Variants in RNLS observed in about 807,000 individuals in gnomAD.
RNLS encodes the protein renalase, FAD dependent amine oxidase, also known as renalase.
In RNLS, 39 loss-of-function variants were observed where a neutral mutation model predicts 39.8. The observed-to-expected ratio is 0.98, with a 90% CI of 0.76 to 1.28. The LOEUF is 1.28. Among genes scored for constraint, RNLS ranks in the 50% most tolerant of loss-of-function variants. The pLI is 0.00. For missense variants in RNLS, 410 were observed against 413.3 expected (o/e 0.99, Z 0.07); for synonymous variants, 147 against 150.7 (o/e 0.98, Z 0.18).
Position 88,284,284 on chromosome 10 carries a change from T to C in RNLS, c.*1070A>G. On this transcript the variant is annotated 3_prime_UTR_variant, in exon 7 of 7. Transcript: ENST00000331772. ...CACTATTACAGTAAGAAGTCTTTTG[T>C]TGAACTTTTGTTAGTTTGAGAGGCT... 1 of 985,380 alleles carries C rather than the reference T, an allele frequency of 1.0e-6. No individual in the cohort carries two copies. 61.0% of individuals were successfully genotyped at this position (985,380 alleles called of 1,614,324 possible).
chr10:88,506,934 T>C (rs1845829481), intron 4 of RNLS, among the ~76,000 whole-genome samples: 1 of 152,156 alleles, frequency 6.6e-6, no homozygotes, highest in Non-Finnish European at 1.5e-5. Context: ...AATTTCCAGC[T>C]CATAGCTTAT....
chr10:88,510,202 GA>G (rs1846039775), intron 4 of RNLS, among the ~76,000 whole-genome samples: 1 of 151,964 alleles, frequency 6.6e-6, no homozygotes, highest in Non-Finnish European at 1.5e-5. Flanking sequence ...TATATAAATT[GA>G]ATGCACACTT....
At chr10:88,509,778 G>C (rs766701568) in intron 4 of RNLS, among the ~76,000 whole-genome samples, 1 of 152,060 alleles carries the variant, frequency 6.6e-6, no homozygotes, top group Non-Finnish European at 1.5e-5. Flanking sequence ...TATAAAGAAA[G>C]ATTAAGGAAA....
chr10:88,424,572 CA>C (rs112565416), intron 4 of RNLS, among the ~76,000 whole-genome samples: 25 of 152,162 alleles, frequency 1.6e-4, no homozygotes, highest in African/African-American at 5.5e-4. Context: ...CAGCCCACAC[CA>C]ATCATAAAGT....
chr10:88,531,730 T>TAGTTTTTATGGGTTTCC (rs1461931408), intron 4 of RNLS, among the ~76,000 whole-genome samples: 1 of 152,134 alleles, frequency 6.6e-6, no homozygotes, highest in Non-Finnish European at 1.5e-5. Flanking sequence ...ATCCCAGTGA[T>TAGTTTTTATGGGTTTCC]AGTTTTTATG....
At chr10:88,436,349 T>C (rs2133828843) in intron 4 of RNLS, among the ~76,000 whole-genome samples, 1 of 152,246 alleles carries the variant, frequency 6.6e-6, no homozygotes, top group South Asian at 2.1e-4. Context: ...TTCCCTATCC[T>C]ACAAAGATCC....
chr10:88,580,795 C>T (rs1004859499), intron 3 of RNLS, among the ~76,000 whole-genome samples: 3 of 152,104 alleles, frequency 2.0e-5, no homozygotes, highest in African/African-American at 7.2e-5. Context: ...CGAAGAGATC[C>T]AATTTTTAAC....
intron 4 of RNLS, among the ~76,000 whole-genome samples, chr10:88,478,963 G>A (rs1044538022): frequency 6.6e-6 from 1 of 150,856 alleles, no homozygotes; most frequent in African/African-American, 2.4e-5. Context: ...CCAAGTACCT[G>A]GGTTTGAATC....
intron 5 of RNLS, among the ~76,000 whole-genome samples, chr10:88,324,179 C>T (rs1245831473): frequency 2.6e-5 from 4 of 151,982 alleles, no homozygotes; most frequent in Admixed American, 2.0e-4. Context: ...ATGGAGATTT[C>T]ACAAGGAACT....
At chr10:88,222,754 GATCTGTCCACA>G in the RNLS span, among the ~76,000 whole-genome samples, 1 of 152,150 alleles carries the variant, frequency 6.6e-6, no homozygotes, top group South Asian at 2.1e-4. Flanking sequence ...AATATGACAG[GATCTGTCCACA>G]AGACTGTGGG....
intron 5 of RNLS, among the ~76,000 whole-genome samples, chr10:88,327,205 TTG>T (rs1846686333): frequency 6.6e-6 from 1 of 152,078 alleles, no homozygotes; most frequent in Non-Finnish European, 1.5e-5. Context: ...AAAGGCATGA[TTG>T]TGTTTTGAAA....
the RNLS span, among the ~76,000 whole-genome samples, chr10:88,195,610 G>C: frequency 6.6e-6 from 1 of 152,284 alleles, no homozygotes; most frequent in East Asian, 1.9e-4. Context: ...GTTCATTAGA[G>C]AGTGGGAGCA....
At chr10:88,315,534 C>T (rs543936069) in intron 5 of RNLS, among the ~76,000 whole-genome samples, 3 of 152,194 alleles carry the variant, frequency 2.0e-5, no homozygotes, top group South Asian at 4.2e-4. Flanking sequence ...TTGGAACCTC[C>T]CCCTCCTGAG....
chr10:88,324,165 C>T lies in RNLS; in HGVS notation c.701-9524G>A, dbSNP rs181153975. 5.7e-4 allele frequency among the ~76,000 whole-genome samples: 86 copies of T among 152,106 alleles called. 1 individual carries two copies. The highest frequency in any genetic ancestry group is 1.9e-3 in the African/African-American group (78 of 41,496). On this transcript the variant is annotated intron_variant, in intron 5 of 6. Transcript: ENST00000331772. ...AAATTAGTTTAACCCCTACGGAAAA[C>T]GGTATGGAGATTTCACAAGGAACTA...
chr10:88,332,607 G>A (rs1453023715), intron 5 of RNLS, among the ~76,000 whole-genome samples: 4 of 152,216 alleles, frequency 2.6e-5, no homozygotes, highest in Non-Finnish European at 5.9e-5. Context: ...GATAGGAGAA[G>A]GTAATTGGCC....
chr10:88,247,300 G>A, the RNLS span, among the ~76,000 whole-genome samples: 1 of 152,228 alleles, frequency 6.6e-6, no homozygotes, highest in Non-Finnish European at 1.5e-5. Context: ...GGACCCCAAG[G>A]AAGTGACATA....
chr10:88,580,606 T>A (rs969995483), intron 3 of RNLS, among the ~76,000 whole-genome samples: 1 of 152,190 alleles, frequency 6.6e-6, no homozygotes, highest in Non-Finnish European at 1.5e-5. Context: ...ATTTTCTTTT[T>A]TAAAAGGTCC....
At position 88,546,904 on chromosome 10, in the gene RNLS, CAA is replaced by C. The variant is rs35186408; in HGVS notation, c.526+25997_526+25998del. On this transcript the variant is annotated intron_variant, in intron 4 of 6. Transcript: ENST00000331772. ...CAAAATTGATTTCTTACCATGAAACCAAAAAAAAAAAAAAATGGTTAGACAGA... is the reference window on the plus strand; with the variant it reads ...CAAAATTGATTTCTTACCATGAAACCAAAAAAAAAAAAATGGTTAGACAGA... Among the ~76,000 whole-genome samples the C allele has an allele frequency of 9.3e-3, 1,243 of 133,372 alleles. 16 individuals are homozygous for C. Among genetic ancestry groups the C allele is most frequent in the African/African-American group, 0.028 (1,082 of 38,040 alleles). 87.5% of individuals were successfully genotyped at this position (133,372 alleles called of 152,430 possible). A position where few individuals can be genotyped will look rare whatever the true frequency, so the allele number is the denominator to read the frequency against.
chr10:88,240,935 A>G, the RNLS span, among the ~76,000 whole-genome samples: 1 of 151,578 alleles, frequency 6.6e-6, no homozygotes, highest in East Asian at 1.9e-4. Flanking sequence ...CTAGGTGTAA[A>G]ATTTTACTGA....
Sources: gnomAD v4.1 joint callset for allele counts (sites outside exome capture counted in the v4.1 genomes callset) on GRCh38, gnomAD v4.1.1 for gene constraint, MANE v1.5 for transcripts, NCBI Gene and HGNC (gene_info 2026-07-23, HGNC 2026-07-21) for gene names.